Variants in ARPP21 observed in about 807,000 individuals in gnomAD.
ARPP21 encodes the protein cAMP-regulated phosphoprotein 21.
ARPP21 carries 69 observed loss-of-function variants against 113.2 expected under a neutral mutation model. That is an observed-to-expected ratio of 0.61 (90% CI 0.50 to 0.74). The LOEUF (loss-of-function observed/expected upper bound fraction) is 0.74. ARPP21 is among the 30% of genes least tolerant of loss of function. The pLI is 0.00. For synonymous variants in ARPP21, 368 were observed against 375.5 expected, an observed-to-expected ratio of 0.98 and a Z score of 0.23; for missense variants, 1,070 against 1,037.4, an observed-to-expected ratio of 1.03 and a Z score of -0.43.
chr3:35,715,517 C>T (rs529896697), intron 12 of ARPP21, 41 bp downstream of exon 12: 21 of 1,507,398 alleles, frequency 1.4e-5, no homozygotes, highest in East Asian at 4.5e-5. Flanking sequence ...AGAGGAACAA[C>T]GTCTGTCATG....
intron 1 of ARPP21, among the ~76,000 whole-genome samples, chr3:35,674,198 T>A (rs892184301): frequency 1.3e-4 from 19 of 151,940 alleles, no homozygotes; most frequent in Non-Finnish European, 2.7e-4. Context: ...TCATTTCACG[T>A]TTTCATCCCT....
chr3:35,788,608 A>G (rs1199336719), intron 19 of ARPP21, among the ~76,000 whole-genome samples: 1 of 152,208 alleles, frequency 6.6e-6, no homozygotes, highest in African/African-American at 2.4e-5. Flanking sequence ...GCAGAAATAG[A>G]GATTACTATT....
intron 1 of ARPP21, among the ~76,000 whole-genome samples, chr3:35,643,138 T>C (rs1698786787): frequency 6.6e-6 from 1 of 152,128 alleles, no homozygotes; most frequent in Non-Finnish European, 1.5e-5. Context: ...ATTTTCATAT[T>C]AACAACATAC....
chr3:35,667,945 AGAAAAGAAGAAGAAGAAG>A (rs1559548721), intron 1 of ARPP21, among the ~76,000 whole-genome samples: 3 of 132,486 alleles, frequency 2.3e-5, no homozygotes, highest in East Asian at 4.5e-4. Flanking sequence ...AAGGAGAAGA[AGAAAAGAAGAAGAAGAAG>A]AAGAAGAAGA....
At chr3:35,748,067 GAAGAAAGAAAGAAAGAAAGAAAGAAAGA>G (rs71622571) in intron 19 of ARPP21, among the ~76,000 whole-genome samples, 1 of 86,884 alleles carries the variant, frequency 1.2e-5, no homozygotes, top group Non-Finnish European at 2.3e-5. Flanking sequence ...AAGAAGGAAG[GAAGAAAGAAAGAAAGAAAGAAAGAAAGA>G]AAGAAAGAAA....
intron 19 of ARPP21, among the ~76,000 whole-genome samples, chr3:35,760,119 C>T (rs946929438): frequency 4.2e-4 from 64 of 152,022 alleles, no homozygotes; most frequent in African/African-American, 1.5e-3. Context: ...AATGACATGC[C>T]AGGGTTTATT....
intron 19 of ARPP21, among the ~76,000 whole-genome samples, chr3:35,762,852 G>A (rs865786302): frequency 2.4e-4 from 36 of 152,202 alleles, no homozygotes; most frequent in Middle Eastern, 3.4e-3. Flanking sequence ...CTAGAGCCAA[G>A]TAAACTGTAA....
chr3:35,772,762 A>G (rs1485915552), intron 19 of ARPP21, among the ~76,000 whole-genome samples: 2 of 152,144 alleles, frequency 1.3e-5, no homozygotes, highest in Admixed American at 1.3e-4. Flanking sequence ...CAGATTTATT[A>G]GTTGCAAATA....
chr3:35,674,706 G>T (rs986105577), intron 1 of ARPP21, among the ~76,000 whole-genome samples: 23 of 151,868 alleles, frequency 1.5e-4, no homozygotes, highest in African/African-American at 5.3e-4. Flanking sequence ...GGGCCTTAAG[G>T]ATTTTCAAAA....
chr3:35,715,608 C>T (rs563272415), intron 12 of ARPP21, 132 bp downstream of exon 12: 284 of 658,284 alleles, frequency 4.3e-4, no homozygotes, highest in Admixed American at 2.1e-4. Context: ...TATATCTATG[C>T]GTACACACAT....
rs941400635 is a variant in ARPP21, at chr3:35,683,155, T to C, written c.171+266T>C. Reference sequence around the variant, plus strand: ...GATCCTGTGTTCACACTTAAGAGATTTGACAGTACTTTACAAAACAAATGA... The same window carrying C: ...GATCCTGTGTTCACACTTAAGAGATCTGACAGTACTTTACAAAACAAATGA... On this transcript the variant is annotated intron_variant, in intron 4 of 20. Coordinates refer to ENST00000684406, the MANE Select transcript of ARPP21 (RefSeq NM_001385562.1). 1.1e-4 allele frequency among the ~76,000 whole-genome samples: 17 copies of C among 151,904 alleles called. 1 individual carries two copies. In the South Asian group the frequency reaches 1.2e-3, roughly 11 times the overall value.
intron 10 of ARPP21, 31 bp downstream of exon 10, chr3:35,707,113 T>A: frequency 2.6e-6 from 4 of 1,549,420 alleles, no homozygotes; most frequent in Non-Finnish European, 3.6e-6. Context: ...GTGGCTGACA[T>A]TGTTGTTTTT....
At chr3:35,780,090 T>C (rs2096486875) in intron 19 of ARPP21, among the ~76,000 whole-genome samples, 1 of 152,228 alleles carries the variant, frequency 6.6e-6, no homozygotes, top group Admixed American at 6.5e-5. Context: ...GGACTCTGTG[T>C]TCTGTATACG....
intron 1 of ARPP21, among the ~76,000 whole-genome samples, chr3:35,664,175 A>C (rs2149199889): frequency 6.6e-6 from 1 of 152,286 alleles, no homozygotes; most frequent in Non-Finnish European, 1.5e-5. Flanking sequence ...TTTTGTTTTT[A>C]ATTGACACGT....
At chr3:35,768,564 A>G (rs2096072218) in intron 19 of ARPP21, among the ~76,000 whole-genome samples, 1 of 152,208 alleles carries the variant, frequency 6.6e-6, no homozygotes, top group Admixed American at 6.5e-5. Context: ...CTTTGAAGAA[A>G]AGAAATATAC....
In ARPP21 at chr3:35,717,278, A is replaced by G. The variant is rs1432823210; in HGVS notation, c.936-20A>G. The G allele has an allele frequency of 3.3e-6, 5 of 1,521,940 alleles. No individual in the cohort carries two copies. The highest frequency in any genetic ancestry group is 1.1e-5 in the South Asian group (1 of 89,044). 94.3% of individuals were successfully genotyped at this position (1,521,940 alleles called of 1,614,324 possible). ...TACCCTTAGGTTTTATATCATAAAA[A>G]TCATGTTTTTCATTTCCAGTAGGCT... On this transcript the variant is annotated intron_variant, in intron 12 of 20. Transcript: ENST00000684406.
chr3:35,789,021 G>A (rs1045215604), intron 19 of ARPP21, among the ~76,000 whole-genome samples: 6 of 152,114 alleles, frequency 3.9e-5, no homozygotes, highest in Non-Finnish European at 5.9e-5. Context: ...GACTGAAAAA[G>A]AAATAATAAA....
Position 35,788,655 on chromosome 3 carries a change from C to G in ARPP21, c.2138-3727C>G, listed in dbSNP as rs149054562. On this transcript the variant is annotated intron_variant, in intron 19 of 20. Coordinates refer to ENST00000684406, the MANE Select transcript of ARPP21 (RefSeq NM_001385562.1). ...TTCATTCATTTCCAAAATATTGAAA[C>G]TGTAACAAACTACTCAAATAAGAGT... 9.7e-3 allele frequency among the ~76,000 whole-genome samples: 1,484 copies of G among 152,216 alleles called. 4 individuals are homozygous for G. The highest frequency in any genetic ancestry group is 0.017 in the African/African-American group (698 of 41,530).
intron 19 of ARPP21, among the ~76,000 whole-genome samples, chr3:35,772,767 C>T (rs2096245906): frequency 6.6e-6 from 1 of 152,130 alleles, no homozygotes; most frequent in Non-Finnish European, 1.5e-5. Context: ...TTATTAGTTG[C>T]AAATAAATGA....
Sources: gnomAD v4.1 joint callset for allele counts (sites outside exome capture counted in the v4.1 genomes callset) on GRCh38, gnomAD v4.1.1 for gene constraint, MANE v1.5 for transcripts, NCBI Gene and HGNC (gene_info 2026-07-23, HGNC 2026-07-21) for gene names.